SCARA3: variants seen among roughly 807,000 people sequenced by gnomAD.
SCARA3 encodes cellular stress response gene protein.
A neutral mutation model predicts 47.0 loss-of-function variants in SCARA3; 39 were observed. That is an observed-to-expected ratio of 0.83 (90% CI 0.64 to 1.08). The LOEUF is 1.08. Among genes scored for constraint, SCARA3 ranks in the 50% least tolerant of loss-of-function variants. SCARA3 has a pLI of 0.00. For synonymous variants in SCARA3, 356 were observed against 334.1 expected (o/e 1.07, Z -0.71); for missense variants, 724 against 792.3 (o/e 0.91, Z 1.04).
intron 5 of SCARA3, 34 bp from the exon 6 acceptor site, chr8:27,670,862 TGACA>T (rs781573407): frequency 1.3e-6 from 2 of 1,498,002 alleles, no homozygotes; most frequent in Non-Finnish European, 1.8e-6. Context: ...GGGGAGCCCC[TGACA>T]GACTGACCTC....
the SCARA3 span, among the ~76,000 whole-genome samples, chr8:27,706,756 G>A: frequency 6.6e-6 from 1 of 152,262 alleles, no homozygotes; most frequent in East Asian, 1.9e-4. Flanking sequence ...TGGAAGAAGA[G>A]GAGGCTTGGA....
the SCARA3 span, among the ~76,000 whole-genome samples, chr8:27,687,058 C>A: frequency 3.4e-4 from 51 of 152,090 alleles, no homozygotes; most frequent in African/African-American, 1.1e-3. Context: ...CAACCACTTT[C>A]CCCCAGGGGT....
rs1016839638 is a variant in SCARA3, at chr8:27,634,011, C to T, written c.-190C>T. 22 of 341,584 alleles carry T rather than the reference C, an allele frequency of 6.4e-5. No homozygotes were observed. Among genetic ancestry groups the T allele is most frequent in the Admixed American group, 6.0e-4 (12 of 20,046 alleles). The allele number at this position is 341,584 out of a possible 1,614,324, so 21.2% of individuals were successfully genotyped here. ...GGGGCTTCCCCAGGCTGCGACCCCGCGGGACCCTCCACTCCTCCCGCCGCC... is the reference window on the plus strand; with the variant it reads ...GGGGCTTCCCCAGGCTGCGACCCCGTGGGACCCTCCACTCCTCCCGCCGCC... On this transcript the variant is annotated 5_prime_UTR_variant, in exon 1 of 6. Coordinates refer to ENST00000301904, the MANE Select transcript of SCARA3 (RefSeq NM_016240.3).
the SCARA3 span, among the ~76,000 whole-genome samples, chr8:27,713,655 G>A: frequency 6.6e-6 from 1 of 152,142 alleles, no homozygotes; most frequent in African/African-American, 2.4e-5. Context: ...GTCTCTCTGA[G>A]TTGTCCCCAT....
intron 1 of SCARA3, among the ~76,000 whole-genome samples, chr8:27,635,777 A>T (rs1399043058): frequency 6.6e-6 from 1 of 152,066 alleles, no homozygotes; most frequent in Non-Finnish European, 1.5e-5. Context: ...ATTTTTTAAC[A>T]AGTCATCCCC....
chr8:27,638,897 C>T (rs559349948), intron 1 of SCARA3, among the ~76,000 whole-genome samples: 8 of 152,284 alleles, frequency 5.3e-5, no homozygotes, highest in East Asian at 1.9e-4. Context: ...CTTCGAAATG[C>T]GTCCTCGGTT....
the SCARA3 span, among the ~76,000 whole-genome samples, chr8:27,682,485 C>T: frequency 2.1e-3 from 318 of 152,042 alleles, 3 homozygotes; most frequent in Middle Eastern, 6.8e-3. Flanking sequence ...GTTACACATT[C>T]GGAGAAAATA....
chr8:27,692,719 G>A, the SCARA3 span, among the ~76,000 whole-genome samples: 6 of 152,224 alleles, frequency 3.9e-5, no homozygotes, highest in African/African-American at 9.6e-5. Flanking sequence ...CTGCCTGGAA[G>A]CTTCACCTAC....
chr8:27,708,813 G>A, the SCARA3 span, among the ~76,000 whole-genome samples: 1 of 151,788 alleles, frequency 6.6e-6, no homozygotes, highest in Non-Finnish European at 1.5e-5. Flanking sequence ...AACCACATCT[G>A]GATGTTTCTT....
intron 1 of SCARA3, among the ~76,000 whole-genome samples, chr8:27,647,649 G>A (rs1035435536): frequency 6.6e-6 from 1 of 152,216 alleles, no homozygotes; most frequent in East Asian, 1.9e-4. Context: ...GCATGGACAG[G>A]AGAGGAGCAT....
At chr8:27,702,110 G>A in the SCARA3 span, 1 of 152,294 alleles carries the variant, frequency 6.6e-6, no homozygotes, top group Admixed American at 6.5e-5. Context: ...AGAAAGCCAA[G>A]CGTAGTGGCA....
chr8:27,719,699 G>T, the SCARA3 span, among the ~76,000 whole-genome samples: 1 of 152,110 alleles, frequency 6.6e-6, no homozygotes, highest in Non-Finnish European at 1.5e-5. Context: ...AGAGGTGCTT[G>T]GTAAACATCC....
At chr8:27,675,795 A>G (rs1802267008), downstream of SCARA3, among the ~76,000 whole-genome samples, 1 of 152,036 alleles carries the variant, frequency 6.6e-6, no homozygotes, top group Admixed American at 6.5e-5. Context: ...ATCTCTAAAT[A>G]AATGAATAAA....
At chr8:27,645,509 G>A (rs551569855) in intron 1 of SCARA3, among the ~76,000 whole-genome samples, 83 of 152,364 alleles carry the variant, frequency 5.4e-4, no homozygotes, top group African/African-American at 1.9e-3. Flanking sequence ...GTGCAACTCT[G>A]CAGACACTCA....
chr8:27,715,806 TATAGATAGATAGATAGATG>T, the SCARA3 span, among the ~76,000 whole-genome samples: 1 of 146,372 alleles, frequency 6.8e-6, no homozygotes, highest in African/African-American at 2.5e-5. The surrounding 1 kb of genome is among the most constrained non-coding windows in gnomAD (Gnocchi z 4.2). Flanking sequence ...AGATGACAGA[TATAGATAGATAGATAGATG>T]ATAGATAGAT....
downstream of SCARA3, among the ~76,000 whole-genome samples, chr8:27,675,529 G>A (rs1254208565): frequency 1.3e-5 from 2 of 152,168 alleles, no homozygotes; most frequent in African/African-American, 4.8e-5. Flanking sequence ...TACACAGGCT[G>A]GTGTAGTGCC....
chr8:27,697,744 A>G, the SCARA3 span, among the ~76,000 whole-genome samples: 59 of 152,088 alleles, frequency 3.9e-4, no homozygotes, highest in African/African-American at 1.4e-3. Flanking sequence ...GTCTCACAAG[A>G]TCTGATGGTT....
At chr8:27,723,846 C>T in the SCARA3 span, among the ~76,000 whole-genome samples, 4 of 152,196 alleles carry the variant, frequency 2.6e-5, no homozygotes, top group African/African-American at 4.8e-5. Flanking sequence ...AACGAGTCTC[C>T]GACCTCAGCC....
rs1802190701 is a variant in SCARA3 at position 27,672,502 on chromosome 8, G to C, written c.*1151G>C. The C allele has an allele frequency of 2.0e-6, 2 of 985,520 alleles. No individual in the cohort carries two copies. The highest frequency in any genetic ancestry group is 2.4e-6 in the Non-Finnish European group (2 of 830,106). 61.0% of individuals were successfully genotyped at this position (985,520 alleles called of 1,614,324 possible). ...CAGAAGGGCCAACCCCTTGCAACAG[G>C]GCAGCTCTCGCCTCCCGCACACGGC... On this transcript the variant is annotated 3_prime_UTR_variant, in exon 6 of 6. Transcript: ENST00000301904.
Sources: gnomAD v4.1 joint callset for allele counts (sites outside exome capture counted in the v4.1 genomes callset) on GRCh38, gnomAD v4.1.1 for gene constraint, Gnocchi (gnomAD v3.1) non-coding constraint, MANE v1.5 for transcripts, NCBI Gene and HGNC (gene_info 2026-07-23, HGNC 2026-07-21) for gene names.